Variants in ARHGEF38 observed in about 807,000 individuals in gnomAD.
ARHGEF38 encodes Rho guanine nucleotide exchange factor (GEF) 38.
A neutral mutation model predicts 79.9 loss-of-function variants in ARHGEF38; 79 were observed. The ratio of observed to expected loss-of-function variants is 0.99; its 90% CI spans 0.82 to 1.19. The LOEUF (loss-of-function observed/expected upper bound fraction) is 1.19. Ranked by LOEUF, ARHGEF38 falls within the 50% of genes most tolerant of loss-of-function variation. ARHGEF38 has a pLI of 0.00. For synonymous variants in ARHGEF38, 366 were observed against 328.3 expected, an observed-to-expected ratio of 1.11 and a Z score of -1.24; for missense variants, 962 against 907.2, an observed-to-expected ratio of 1.06 and a Z score of -0.78.
rs545802886 is a variant in ARHGEF38 at position 105,570,392 on chromosome 4, T to C, written c.196+17431T>C. 2.0e-5 allele frequency among the ~76,000 whole-genome samples: 3 copies of C among 152,338 alleles called. No homozygotes were observed. The East Asian group carries it at 5.8e-4, about 29-fold the overall frequency. ...ACGTTTATAAACAAAATGCAGTATG[T>C]ATTAGTCTGTTCTCATGCTGCTGAT... On this transcript the variant is annotated intron_variant, in intron 1 of 13. Coordinates refer to ENST00000420470, the MANE Select transcript of ARHGEF38 (RefSeq NM_001242729.2).
At chr4:105,621,748 T>G (rs1198051610) in intron 3 of ARHGEF38, among the ~76,000 whole-genome samples, 1 of 152,178 alleles carries the variant, frequency 6.6e-6, no homozygotes, top group Non-Finnish European at 1.5e-5. Flanking sequence ...TGTGTAAGTG[T>G]GTGCATGTTT....
At chr4:105,579,819 T>C (rs1187450121) in intron 1 of ARHGEF38, among the ~76,000 whole-genome samples, 1 of 152,192 alleles carries the variant, frequency 6.6e-6, no homozygotes, top group Admixed American at 6.5e-5. Context: ...TCAGCTTTTA[T>C]TCGTACATGT....
chr4:105,653,853 G>T (rs1730211875), intron 7 of ARHGEF38, among the ~76,000 whole-genome samples: 1 of 152,216 alleles, frequency 6.6e-6, no homozygotes, highest in Non-Finnish European at 1.5e-5. Context: ...AGCAATTTGA[G>T]TTATAGGACT....
chr4:105,574,517 T>A lies in ARHGEF38; in HGVS notation c.197-14731T>A, dbSNP rs574466086. Among the ~76,000 whole-genome samples, 4 of 130,686 alleles carry A rather than the reference T, an allele frequency of 3.1e-5. No individual in the cohort carries two copies. In the East Asian group the frequency reaches 6.8e-4, roughly 22 times the overall value. 85.7% of individuals were successfully genotyped at this position (130,686 alleles called of 152,430 possible). On this transcript the variant is annotated intron_variant, in intron 1 of 13. Transcript: ENST00000420470. ...GTGAGCCGAGATGGTGCCATTGCAC[T>A]CCCGCCTGGGTGACAGGGCAAGACT...
In ARHGEF38 at chr4:105,678,450, A is replaced by G. The variant is rs1731194266; in HGVS notation, c.*513A>G. The G allele has an allele frequency of 6.6e-6, 1 of 152,280 alleles. No individual in the cohort carries two copies. The highest frequency in any genetic ancestry group is 6.5e-5 in the Admixed American group (1 of 15,284). 9.4% of individuals were successfully genotyped at this position (152,280 alleles called of 1,614,324 possible). On this transcript the variant is annotated 3_prime_UTR_variant, in exon 14 of 14. Transcript: ENST00000420470. ...ATATGTATAAATCAGAGTATACACCAAATATACATAAGAAGAATATACCAC... is the reference window on the plus strand; with the variant it reads ...ATATGTATAAATCAGAGTATACACCGAATATACATAAGAAGAATATACCAC...
At chr4:105,666,140 G>C in intron 10 of ARHGEF38, 37 bp from the exon 11 acceptor site, 1 of 1,485,786 alleles carries the variant, frequency 6.7e-7, no homozygotes, top group Admixed American at 2.3e-5. Flanking sequence ...GATTATCTAG[G>C]TGTCTGGAAA....
intron 1 of ARHGEF38, among the ~76,000 whole-genome samples, chr4:105,570,519 G>A (rs541759824): frequency 7.2e-5 from 11 of 152,276 alleles, no homozygotes; most frequent in African/African-American, 2.2e-4. Flanking sequence ...AATCATGGCA[G>A]AAGAGGAAGC....
At chr4:105,565,890 A>G (rs1209473167) in intron 1 of ARHGEF38, among the ~76,000 whole-genome samples, 1 of 152,082 alleles carries the variant, frequency 6.6e-6, no homozygotes, top group Non-Finnish European at 1.5e-5. Flanking sequence ...AGTTCATGCT[A>G]ATTTCACCTC....
intron 5 of ARHGEF38, among the ~76,000 whole-genome samples, chr4:105,636,712 A>G (rs375780961): frequency 6.6e-6 from 1 of 152,128 alleles, no homozygotes; most frequent in Non-Finnish European, 1.5e-5. Flanking sequence ...GGGAATCTTA[A>G]TGTGTCCAAA....
chr4:105,580,209 C>T (rs927125999), intron 1 of ARHGEF38, among the ~76,000 whole-genome samples: 3 of 152,038 alleles, frequency 2.0e-5, no homozygotes, highest in Non-Finnish European at 2.9e-5. Flanking sequence ...TTTCATGTCT[C>T]GATCTTCTAT....
chr4:105,604,002 T>G (rs537077143), intron 2 of ARHGEF38, among the ~76,000 whole-genome samples: 1 of 152,176 alleles, frequency 6.6e-6, no homozygotes, highest in Non-Finnish European at 1.5e-5. Context: ...ATGTTTACTA[T>G]CTTCATGGGA....
chr4:105,626,823 C>G (rs559941282), intron 3 of ARHGEF38, among the ~76,000 whole-genome samples: 1 of 151,750 alleles, frequency 6.6e-6, no homozygotes, highest in South Asian at 2.1e-4. Flanking sequence ...CCTTCATGAT[C>G]TGGCCCCAGC....
At chr4:105,573,757 CAA>C (rs144542415) in intron 1 of ARHGEF38, among the ~76,000 whole-genome samples, 2 of 148,630 alleles carry the variant, frequency 1.3e-5, no homozygotes, top group African/African-American at 4.9e-5. Context: ...TTTATTTCTA[CAA>C]AAAAAAATTG....
chr4:105,660,838 T>C (rs1730535665), intron 10 of ARHGEF38, among the ~76,000 whole-genome samples: 1 of 152,256 alleles, frequency 6.6e-6, no homozygotes, highest in African/African-American at 2.4e-5. Flanking sequence ...TTTATTGTGA[T>C]ATAATTTGTA....
At chr4:105,643,436 TAAAA>T (rs1196953333) in intron 5 of ARHGEF38, among the ~76,000 whole-genome samples, 2 of 152,142 alleles carry the variant, frequency 1.3e-5, no homozygotes, top group Admixed American at 1.3e-4. Context: ...GTTTTCTTTT[TAAAA>T]AAATGTTGCC....
intron 5 of ARHGEF38, among the ~76,000 whole-genome samples, chr4:105,643,780 C>G (rs58405026): frequency 0.041 from 6,236 of 151,974 alleles, 423 homozygotes; most frequent in African/African-American, 0.14. Flanking sequence ...GTGTATTTCT[C>G]CACATTGTGT....
chr4:105,630,151 A>C (rs971366905), intron 3 of ARHGEF38, among the ~76,000 whole-genome samples: 2 of 152,150 alleles, frequency 1.3e-5, no homozygotes, highest in Non-Finnish European at 2.9e-5. Flanking sequence ...TATTGGTGTC[A>C]TCAGGTTTAA....
At chr4:105,621,753 A>C (rs2110504190) in intron 3 of ARHGEF38, among the ~76,000 whole-genome samples, 1 of 152,298 alleles carries the variant, frequency 6.6e-6, no homozygotes, top group African/African-American at 2.4e-5. Flanking sequence ...AAGTGTGTGC[A>C]TGTTTTACTC....
At chr4:105,632,014 G>A (rs1274272842) in intron 4 of ARHGEF38, among the ~76,000 whole-genome samples, 1 of 152,088 alleles carries the variant, frequency 6.6e-6, no homozygotes, top group Admixed American at 6.5e-5. Context: ...GTGTGATAGG[G>A]GAAAGAGGGA....
Sources: gnomAD v4.1 joint callset for allele counts (sites outside exome capture counted in the v4.1 genomes callset) on GRCh38, gnomAD v4.1.1 for gene constraint, MANE v1.5 for transcripts, NCBI Gene and HGNC (gene_info 2026-07-23, HGNC 2026-07-21) for gene names.